TBC1D5: variants seen among roughly 807,000 people sequenced by gnomAD.
The protein encoded by TBC1D5 is TBC1 domain family, member 5.
Under a neutral mutation model 100.3 loss-of-function variants are expected in TBC1D5, and 75 were observed. That is an observed-to-expected ratio of 0.75 (90% confidence interval 0.62 to 0.91). The LOEUF is 0.91. Ranked by LOEUF, TBC1D5 falls within the 40% of genes least tolerant of loss-of-function variation. TBC1D5 has a pLI of 0.00. For synonymous variants in TBC1D5, 323 were observed against 325.6 expected, an observed-to-expected ratio of 0.99 and a Z score of 0.09; for missense variants, 910 against 942.4, an observed-to-expected ratio of 0.97 and a Z score of 0.45.
At chr3:17,721,633 C>G (rs1428104132) in intron 1 of TBC1D5, among the ~76,000 whole-genome samples, 1 of 152,076 alleles carries the variant, frequency 6.6e-6, no homozygotes, top group Non-Finnish European at 1.5e-5. Context: ...GATTGTGCCA[C>G]TACACTCTAG....
chr3:17,692,150 T>C (rs2071270066), intron 1 of TBC1D5, among the ~76,000 whole-genome samples: 1 of 152,204 alleles, frequency 6.6e-6, no homozygotes. Context: ...TGAAGTGCAG[T>C]GGAGCAATCT....
intron 1 of TBC1D5, among the ~76,000 whole-genome samples, chr3:17,696,268 TAG>T (rs1377926552): frequency 6.6e-6 from 1 of 150,746 alleles, no homozygotes; most frequent in Non-Finnish European, 1.5e-5. Flanking sequence ...CTGAAGGAAA[TAG>T]AGACACAAAA....
chr3:17,347,396 A>C (rs1427130242), intron 13 of TBC1D5, among the ~76,000 whole-genome samples: 1 of 152,176 alleles, frequency 6.6e-6, no homozygotes, highest in African/African-American at 2.4e-5. Flanking sequence ...TGACACAGTC[A>C]CTTATTTCAG....
intron 3 of TBC1D5, among the ~76,000 whole-genome samples, chr3:17,442,177 A>G (rs1242945403): frequency 1.3e-5 from 2 of 152,224 alleles, no homozygotes; most frequent in Non-Finnish European, 2.9e-5. Context: ...TTCAGAAACT[A>G]GAAAAAGGAG....
intron 15 of TBC1D5, among the ~76,000 whole-genome samples, chr3:17,275,417 C>A (rs1251583564): frequency 1.3e-5 from 2 of 152,158 alleles, no homozygotes; most frequent in Non-Finnish European, 2.9e-5. Context: ...TGGTGCACAC[C>A]TGTAGTCCCA....
At chr3:17,532,371 C>G (rs13078252) in intron 2 of TBC1D5, among the ~76,000 whole-genome samples, 5 of 152,174 alleles carry the variant, frequency 3.3e-5, no homozygotes, top group Admixed American at 2.0e-4. Context: ...AACAGGAACA[C>G]TTTTACACTG....
rs1374050332 is a variant in TBC1D5 at position 17,180,430 on chromosome 3, C to T, written c.1852+4679G>A. Among the ~76,000 whole-genome samples, 4 of 152,144 alleles carry T rather than the reference C, an allele frequency of 2.6e-5. No homozygotes were observed. The East Asian group carries it at 7.7e-4, about 29-fold the overall frequency. On this transcript the variant is annotated intron_variant, in intron 19 of 21. Coordinates refer to ENST00000253692, the Ensembl canonical transcript of TBC1D5. Reference sequence around the variant, plus strand: ...GTTCTGCTATCAGTTATAAAAACAGCCTTAAATAGTACTTGACATTTTAAG... The same window carrying T: ...GTTCTGCTATCAGTTATAAAAACAGTCTTAAATAGTACTTGACATTTTAAG...
intron 18 of TBC1D5, among the ~76,000 whole-genome samples, chr3:17,193,937 T>C (rs1406059369): frequency 2.6e-5 from 4 of 152,236 alleles, no homozygotes. Flanking sequence ...GCTTGCTTTA[T>C]ATGTAGAAAA....
intron 3 of TBC1D5, among the ~76,000 whole-genome samples, chr3:17,496,695 G>GA (rs946531565): frequency 2.0e-5 from 3 of 152,006 alleles, no homozygotes; most frequent in South Asian, 2.1e-4. Flanking sequence ...ACTGCAACGT[G>GA]AAAAAAATGT....
intron 3 of TBC1D5, among the ~76,000 whole-genome samples, chr3:17,455,508 GTGTGTA>G (rs1559924947): frequency 3.2e-5 from 4 of 126,232 alleles, no homozygotes; most frequent in African/African-American, 1.0e-4. Flanking sequence ...ATATATGTGT[GTGTGTA>G]TATATATATA....
intron 2 of TBC1D5, among the ~76,000 whole-genome samples, chr3:17,586,961 A>G (rs1410339493): frequency 6.6e-6 from 1 of 152,076 alleles, no homozygotes; most frequent in Non-Finnish European, 1.5e-5. Context: ...CACATAATAT[A>G]AAAAATGGAA....
intron 15 of TBC1D5, among the ~76,000 whole-genome samples, chr3:17,262,398 A>T (rs1440297414): frequency 6.6e-6 from 1 of 151,900 alleles, no homozygotes; most frequent in Non-Finnish European, 1.5e-5. Context: ...CCCAAATGTC[A>T]TTATGCAGTA....
At chr3:17,466,500 T>TA (rs2095303783) in intron 3 of TBC1D5, among the ~76,000 whole-genome samples, 1 of 152,218 alleles carries the variant, frequency 6.6e-6, no homozygotes, top group Admixed American at 6.5e-5. Context: ...TAGGCACACT[T>TA]ACAATTATTT....
At chr3:17,701,551 C>T (rs1457006847) in intron 1 of TBC1D5, among the ~76,000 whole-genome samples, 1 of 152,110 alleles carries the variant, frequency 6.6e-6, no homozygotes, top group East Asian at 1.9e-4. Context: ...GGGAAGATCG[C>T]TTGAGCCCAG....
intron 8 of TBC1D5, among the ~76,000 whole-genome samples, chr3:17,401,385 GTA>G (rs1479092735): frequency 1.4e-5 from 2 of 147,604 alleles, no homozygotes; most frequent in Non-Finnish European, 3.0e-5. Flanking sequence ...ATATGTATAT[GTA>G]TATGTATATG....
chr3:17,521,763 T>C (rs142621790), intron 2 of TBC1D5, among the ~76,000 whole-genome samples: 42 of 152,342 alleles, frequency 2.8e-4, no homozygotes, highest in African/African-American at 9.9e-4. Context: ...ATTTGAACTC[T>C]TGTATTAATG....
At position 17,356,240 on chromosome 3, in the gene TBC1D5, G is replaced by T. The variant is rs574340662; in HGVS notation, c.995+15835C>A. On this transcript the variant is annotated intron_variant, in intron 13 of 21. Coordinates refer to ENST00000253692, the Ensembl canonical transcript of TBC1D5. The stretch of plus-strand genomic sequence containing the variant: ...CCATTCATAAAATTTCTGATGGCTG[G>T]GGACTATTGAGCTTTTGCTGAAATA... Among the ~76,000 whole-genome samples, 14 of 152,208 alleles carry T rather than the reference G, an allele frequency of 9.2e-5. No homozygotes were observed. In the East Asian group the frequency reaches 2.7e-3, roughly 29 times the overall value.
chr3:17,408,015 C>T (rs940319469), intron 4 of TBC1D5, among the ~76,000 whole-genome samples: 2 of 151,882 alleles, frequency 1.3e-5, no homozygotes, highest in Non-Finnish European at 2.9e-5. Flanking sequence ...GCCCTTTGCC[C>T]GTTTTAAGCA....
chr3:17,183,221 C>G (rs1373904740), intron 19 of TBC1D5, among the ~76,000 whole-genome samples: 1 of 152,184 alleles, frequency 6.6e-6, no homozygotes, highest in Admixed American at 6.5e-5. Flanking sequence ...GGACACAGAC[C>G]TTTAACTGCT....
Sources: allele counts gnomAD v4.1 joint callset (sites outside exome capture counted in the v4.1 genomes callset), GRCh38; gene constraint gnomAD v4.1.1; transcripts MANE v1.5; gene names NCBI Gene and HGNC (gene_info 2026-07-23, HGNC 2026-07-21).